OR14I1: variants seen among roughly 807,000 people sequenced by gnomAD.
The protein encoded by OR14I1 is olfactory receptor 14I1.
For missense variants in OR14I1, 279 were observed against 181.8 expected, an observed-to-expected ratio of 1.53 and a Z score of -3.07; for synonymous variants, 118 against 71.1, an observed-to-expected ratio of 1.66 and a Z score of -3.32.
chr1:248,699,556 G>A, the OR14I1 span, among the ~76,000 whole-genome samples: 3 of 152,072 alleles, frequency 2.0e-5, no homozygotes, highest in South Asian at 6.2e-4. Context: ...GTGGGGGAGA[G>A]GAAAATGTCA....
chr1:248,682,089 G>C (rs1661577491), exon 1 of OR14I1: 2 of 781,114 alleles, frequency 2.6e-6, no homozygotes, highest in Non-Finnish European at 4.8e-6. Context: ...CAGTGACTGA[G>C]ATGTAGCACA....
the OR14I1 span, among the ~76,000 whole-genome samples, chr1:248,694,265 G>A: frequency 4.0e-5 from 6 of 151,738 alleles, no homozygotes; most frequent in South Asian, 8.3e-4. Context: ...CTTTTTTTTC[G>A]GGAGCAAAAA....
the OR14I1 span, among the ~76,000 whole-genome samples, chr1:248,694,328 A>G: frequency 6.6e-6 from 1 of 152,158 alleles, no homozygotes; most frequent in African/African-American, 2.4e-5. Context: ...ATTTACTTAC[A>G]TTTGTTTTTA....
At chr1:248,686,008 C>T (rs929566731), upstream of OR14I1, among the ~76,000 whole-genome samples, 2 of 151,884 alleles carry the variant, frequency 1.3e-5, no homozygotes, top group African/African-American at 4.8e-5. Flanking sequence ...TTAACAAAAA[C>T]TTAGTAGTTA....
At chr1:248,692,103 T>G in the OR14I1 span, 7 of 152,348 alleles carry the variant, frequency 4.6e-5, no homozygotes, top group African/African-American at 1.7e-4. Flanking sequence ...CTGAGCTCAC[T>G]GGCTCCTCTC....
downstream of OR14I1, among the ~76,000 whole-genome samples, chr1:248,678,186 T>C (rs1032326850): frequency 6.6e-6 from 1 of 152,196 alleles, no homozygotes; most frequent in African/African-American, 2.4e-5. Flanking sequence ...TACTACATAA[T>C]GACAAAAAGG....
upstream of OR14I1, among the ~76,000 whole-genome samples, chr1:248,686,865 G>A (rs1661664805): frequency 1.3e-5 from 2 of 152,184 alleles, no homozygotes; most frequent in South Asian, 4.1e-4. Context: ...CTCACCAGAA[G>A]AAGTGACCCA....
At chr1:248,687,433 C>T in the OR14I1 span, among the ~76,000 whole-genome samples, 1 of 152,172 alleles carries the variant, frequency 6.6e-6, no homozygotes, top group Admixed American at 6.5e-5. Flanking sequence ...TCTCATCTTC[C>T]TCCAAATCTA....
At chr1:248,700,095 C>T in the OR14I1 span, among the ~76,000 whole-genome samples, 1 of 152,170 alleles carries the variant, frequency 6.6e-6, no homozygotes, top group South Asian at 2.1e-4. Flanking sequence ...CACCCAGGAG[C>T]TTTAAATTAG....
exon 1 of OR14I1, chr1:248,681,901 G>A (rs1308735015): frequency 1.3e-6 from 1 of 781,044 alleles, no homozygotes; most frequent in Non-Finnish European, 2.4e-6. Context: ...CCCTCCTGAT[G>A]TCATCACGGC....
chr1:248,690,436 G>A, the OR14I1 span, among the ~76,000 whole-genome samples: 1 of 151,936 alleles, frequency 6.6e-6, no homozygotes, highest in South Asian at 2.1e-4. Flanking sequence ...TACCATCAGA[G>A]AATACTATAA....
the OR14I1 span, chr1:248,696,948 G>C: frequency 2.0e-5 from 3 of 152,228 alleles, no homozygotes; most frequent in Admixed American, 2.0e-4. Flanking sequence ...GGTGGATCTA[G>C]TTCTAGCGGC....
chr1:248,692,082 C>T, the OR14I1 span: 1 of 152,372 alleles, frequency 6.6e-6, no homozygotes, highest in Non-Finnish European at 1.5e-5. Flanking sequence ...GGGCGTGTCC[C>T]TTTCGCGGAA....
chr1:248,680,873 A>G (rs74154540), downstream of OR14I1, among the ~76,000 whole-genome samples: 769 of 152,232 alleles, frequency 5.1e-3, 6 homozygotes, highest in African/African-American at 0.018. Flanking sequence ...AATATTTGGC[A>G]AAATCTAAAA....
chr1:248,685,328 C>T (rs1033845772), upstream of OR14I1, among the ~76,000 whole-genome samples: 19 of 152,104 alleles, frequency 1.2e-4, no homozygotes, highest in Admixed American at 1.2e-3. Flanking sequence ...TTTGTTCTGA[C>T]TTTTTAATAG....
At chr1:248,681,724 T>C (rs141569215) in exon 1 of OR14I1, 123 of 780,992 alleles carry the variant, frequency 1.6e-4, no homozygotes, top group African/African-American at 1.6e-3. Flanking sequence ...GGTCAAAAAC[T>C]CTACAAAGAA....
rs747180600 is a variant in OR14I1, at chr1:248,681,556, A to G, written c.749T>C (p.Leu250Pro). The G allele has an allele frequency of 7.7e-6, 6 of 781,054 alleles. No homozygotes were observed. The South Asian group carries it at 8.0e-5, about 10-fold the overall frequency. The allele number at this position is 781,054 out of a possible 1,614,324, so 48.4% of individuals were successfully genotyped here. ...TAAGGCAGCAAAGAGCCCTGTGGTA[A>G]GAAAGAGCATGATGACAATGAGCTG... The change falls in exon 1 of 1, where the codon CTT becomes CCT. Residue 250 changes from leucine (L) to proline (P), a missense_variant. By Grantham distance (98) the Leu-to-Pro change is moderately conservative (BLOSUM62 -3). Coordinates refer to ENST00000342623, the Ensembl canonical transcript of OR14I1.
the OR14I1 span, among the ~76,000 whole-genome samples, chr1:248,699,978 T>A: frequency 6.6e-6 from 1 of 152,188 alleles, no homozygotes; most frequent in Non-Finnish European, 1.5e-5. Context: ...GCCAGGATGG[T>A]CTTGATCTCC....
the OR14I1 span, among the ~76,000 whole-genome samples, chr1:248,699,509 G>A: frequency 6.6e-6 from 1 of 152,118 alleles, no homozygotes; most frequent in African/African-American, 2.4e-5. Flanking sequence ...GATGGGTGGA[G>A]GCTAAGATGC....
Sources: gnomAD v4.1 joint callset for allele counts (sites outside exome capture counted in the v4.1 genomes callset) on GRCh38, gnomAD v4.1.1 for gene constraint, MANE v1.5 for transcripts, NCBI Gene and HGNC (gene_info 2026-07-23, HGNC 2026-07-21) for gene names.